Variants in ZNF521 observed in about 807,000 individuals in gnomAD.
The protein encoded by ZNF521 is LYST-interacting protein 3.
ZNF521 carries 14 observed loss-of-function variants against 105.5 expected under a neutral mutation model. That is an observed-to-expected ratio of 0.13 (90% CI 0.09 to 0.21). The LOEUF is 0.21. ZNF521 is among the 10% of genes least tolerant of loss of function. The probability of loss-of-function intolerance (pLI) is 1.00; values close to 1 mark genes in which losing one functional copy is unlikely to be tolerated. For missense variants in ZNF521, 1,233 were observed against 1,629.7 expected, an observed-to-expected ratio of 0.76 and a Z score of 4.19; for synonymous variants, 635 against 606.0, an observed-to-expected ratio of 1.05 and a Z score of -0.70.
At chr18:25,075,352 G>A (rs993684928) in intron 7 of ZNF521, among the ~76,000 whole-genome samples, 2 of 152,230 alleles carry the variant, frequency 1.3e-5, no homozygotes, top group Admixed American at 1.3e-4. Flanking sequence ...TATTCCCAGA[G>A]AGTTGTTAGC....
intron 5 of ZNF521, among the ~76,000 whole-genome samples, chr18:25,128,080 A>G (rs185500472): frequency 1.3e-5 from 2 of 152,112 alleles, no homozygotes; most frequent in East Asian, 3.9e-4. Context: ...TCTCAATAAA[A>G]TATTAGCAAA....
intron 5 of ZNF521, among the ~76,000 whole-genome samples, chr18:25,099,566 G>A (rs1404370089): frequency 6.6e-6 from 1 of 152,018 alleles, no homozygotes; most frequent in East Asian, 1.9e-4. Flanking sequence ...ATCAAAGAAG[G>A]GATAATTACC....
chr18:25,118,193 A>C (rs962079389), intron 5 of ZNF521, among the ~76,000 whole-genome samples: 1 of 152,018 alleles, frequency 6.6e-6, no homozygotes, highest in African/African-American at 2.4e-5. Context: ...ATATCCAATA[A>C]AGAATATCCT....
At chr18:25,345,626 AAG>A (rs1342984057) in intron 2 of ZNF521, among the ~76,000 whole-genome samples, 2 of 152,202 alleles carry the variant, frequency 1.3e-5, no homozygotes, top group East Asian at 3.9e-4. Flanking sequence ...GGCGTTTTGG[AAG>A]AGACTCACTG....
At chr18:25,300,314 T>C (rs1911562512) in intron 3 of ZNF521, among the ~76,000 whole-genome samples, 1 of 152,274 alleles carries the variant, frequency 6.6e-6, no homozygotes. Flanking sequence ...AGTAATAAAT[T>C]CTTATTGTTT....
At chr18:25,246,159 G>T (rs539789269) in intron 3 of ZNF521, among the ~76,000 whole-genome samples, 6 of 151,882 alleles carry the variant, frequency 4.0e-5, no homozygotes, top group Non-Finnish European at 5.9e-5. Flanking sequence ...CATCAACATG[G>T]CACATGTATA....
intron 5 of ZNF521, among the ~76,000 whole-genome samples, chr18:25,156,071 G>GA (rs1293677322): frequency 6.6e-6 from 1 of 152,182 alleles, no homozygotes; most frequent in Non-Finnish European, 1.5e-5. Context: ...ACTGTACTCA[G>GA]AATTTTTGCT....
At chr18:25,156,233 AT>A (rs2144505282) in intron 5 of ZNF521, among the ~76,000 whole-genome samples, 1 of 152,280 alleles carries the variant, frequency 6.6e-6, no homozygotes, top group East Asian at 1.9e-4. Context: ...AATACAGACA[AT>A]TTTAAAAAAT....
intron 3 of ZNF521, among the ~76,000 whole-genome samples, chr18:25,312,182 T>G (rs958129270): frequency 3.3e-5 from 5 of 152,276 alleles, no homozygotes; most frequent in Admixed American, 6.5e-5. Flanking sequence ...ACTTTTTAAT[T>G]TTAATAAGTT....
chr18:25,117,020 T>TATATATACACACACAAACACACAC (rs2034335410), intron 5 of ZNF521, among the ~76,000 whole-genome samples: 1 of 43,702 alleles, frequency 2.3e-5, no homozygotes. Flanking sequence ...CACACACACA[T>TATATATACACACACAAACACACAC]ATATATATAC....
chr18:25,323,202 C>T (rs913189803), intron 2 of ZNF521, among the ~76,000 whole-genome samples: 2 of 151,936 alleles, frequency 1.3e-5, no homozygotes, highest in African/African-American at 4.8e-5. Flanking sequence ...GTAGCAAAAA[C>T]TCCTCCAAAG....
At chr18:25,216,320 A>G (rs1449269921) in intron 4 of ZNF521, among the ~76,000 whole-genome samples, 3 of 152,232 alleles carry the variant, frequency 2.0e-5, no homozygotes, top group Non-Finnish European at 1.5e-5. Context: ...TTGGATTGTT[A>G]CAAACTTCAA....
chr18:25,340,282 G>A (rs940493863), intron 2 of ZNF521, among the ~76,000 whole-genome samples: 1 of 152,124 alleles, frequency 6.6e-6, no homozygotes, highest in African/African-American at 2.4e-5. Flanking sequence ...TTGAACCCAG[G>A]CAGTGGAGGT....
At position 25,273,476 on chromosome 18, in the gene ZNF521, T is replaced by C. The variant is rs961473092; in HGVS notation, c.221-45779A>G. On this transcript the variant is annotated intron_variant, in intron 3 of 7. Transcript: ENST00000361524. Reference sequence around the variant, plus strand: ...TGGTTGTTTGAGAAGGAACCTGGTATAGGAGTTAAGGGCATGGAATCTGGA... The same window carrying C: ...TGGTTGTTTGAGAAGGAACCTGGTACAGGAGTTAAGGGCATGGAATCTGGA... 9 of 152,100 alleles carry C rather than the reference T, an allele frequency of 5.9e-5. No homozygotes were observed. The South Asian group carries it at 1.0e-3, about 18-fold the overall frequency. The allele number at this position is 152,100 out of a possible 1,614,324, so 9.4% of individuals were successfully genotyped here.
In ZNF521 at chr18:25,224,338, G is replaced by A. The variant is rs377044421; in HGVS notation, c.3573+7C>T. 355 of 1,599,890 alleles carry A rather than the reference G, an allele frequency of 2.2e-4. No individual in the cohort carries two copies. Among genetic ancestry groups the A allele is most frequent in the Middle Eastern group, 5.0e-4 (3 of 5,946 alleles). Reference sequence around the variant, plus strand: ...TTAAATAGCAAACATTAAAAAAGGCGAGTTACCTCATCCGACTGGGAGGGA... The same window carrying A: ...TTAAATAGCAAACATTAAAAAAGGCAAGTTACCTCATCCGACTGGGAGGGA... On this transcript the variant is annotated splice_region_variant and intron_variant, in intron 4 of 7. Coordinates refer to ENST00000361524, the MANE Select transcript of ZNF521 (RefSeq NM_015461.3).
chr18:25,191,954 T>G (rs889644353), intron 5 of ZNF521, among the ~76,000 whole-genome samples: 4 of 152,162 alleles, frequency 2.6e-5, no homozygotes, highest in Admixed American at 2.6e-4. Context: ...AATACACACT[T>G]GTATCTTGTT....
intron 3 of ZNF521, among the ~76,000 whole-genome samples, chr18:25,319,566 A>T (rs1367671544): frequency 6.6e-6 from 1 of 151,642 alleles, no homozygotes; most frequent in Non-Finnish European, 1.5e-5. Flanking sequence ...ACTGCACTCC[A>T]GCCTGGGCAA....
chr18:25,192,245 G>A (rs1038057675), intron 5 of ZNF521, among the ~76,000 whole-genome samples: 1 of 152,060 alleles, frequency 6.6e-6, no homozygotes. Context: ...CATTTTTATC[G>A]AGTAATTATT....
At chr18:25,137,025 C>T (rs1283745766) in intron 5 of ZNF521, among the ~76,000 whole-genome samples, 1 of 152,100 alleles carries the variant, frequency 6.6e-6, no homozygotes, top group Non-Finnish European at 1.5e-5. Flanking sequence ...TCCTTGTAAC[C>T]CCCAGGATGA....
Sources: gnomAD v4.1 joint callset for allele counts (sites outside exome capture counted in the v4.1 genomes callset) on GRCh38, gnomAD v4.1.1 for gene constraint, MANE v1.5 for transcripts, NCBI Gene and HGNC (gene_info 2026-07-23, HGNC 2026-07-21) for gene names.